The following ADCY2 variants were observed in gnomAD, a reference collection of about 807,000 sequenced individuals.
The protein encoded by ADCY2 is adenylate cyclase 2, also known as adenylate cyclase type 2.
ADCY2 carries 31 observed loss-of-function variants against 125.2 expected under a neutral mutation model. The ratio of observed to expected loss-of-function variants is 0.25; its 90% CI spans 0.19 to 0.33. The LOEUF (loss-of-function observed/expected upper bound fraction) is 0.33, where lower values mean the gene tolerates loss of function less well. Ranked by LOEUF, ADCY2 falls within the 10% of genes least tolerant of loss-of-function variation. ADCY2 has a pLI of 1.00. For synonymous variants in ADCY2, 512 were observed against 548.4 expected (o/e 0.93, Z 0.93); for missense variants, 904 against 1,418.2 (o/e 0.64, Z 5.82).
chr5:7,747,187 C>T (rs1337868202), intron 15 of ADCY2, among the ~76,000 whole-genome samples: 2 of 152,204 alleles, frequency 1.3e-5, no homozygotes, highest in Non-Finnish European at 2.9e-5. Context: ...TTGCCCAGGT[C>T]TCAGTTCTTG....
chr5:7,436,213 A>G (rs1274788332), intron 2 of ADCY2, among the ~76,000 whole-genome samples: 1 of 152,222 alleles, frequency 6.6e-6, no homozygotes, highest in African/African-American at 2.4e-5. Flanking sequence ...GCATAGGAAC[A>G]TAACCCTGTA....
chr5:7,724,239 C>T (rs973368967), intron 12 of ADCY2, among the ~76,000 whole-genome samples: 4 of 151,096 alleles, frequency 2.6e-5, no homozygotes, highest in South Asian at 2.1e-4. Context: ...CTCCTTTAGA[C>T]GACTTATCTC....
At chr5:7,814,463 G>T (rs914453723) in intron 22 of ADCY2, among the ~76,000 whole-genome samples, 11 of 151,620 alleles carry the variant, frequency 7.3e-5, no homozygotes, top group African/African-American at 2.4e-4. Flanking sequence ...ACGCTGTGAT[G>T]TGCAGGACAG....
intron 15 of ADCY2, chr5:7,746,419 AT>A (rs1742628946): frequency 6.6e-6 from 1 of 152,184 alleles, no homozygotes; most frequent in Non-Finnish European, 1.5e-5. Context: ...TGTTTAAATC[AT>A]TCTTTAAGGA....
chr5:7,704,706 C>T (rs114196230), intron 7 of ADCY2, among the ~76,000 whole-genome samples: 282 of 152,110 alleles, frequency 1.9e-3, no homozygotes, highest in African/African-American at 6.1e-3. Flanking sequence ...GCTGAAACCC[C>T]GTCTCTACCA....
At position 7,777,900 on chromosome 5, in the gene ADCY2, G is replaced by A. The variant is rs146564948; in HGVS notation, c.2384+4799G>A. Among the ~76,000 whole-genome samples, 335 of 152,292 alleles carry A rather than the reference G, an allele frequency of 2.2e-3. 2 individuals carry two copies. Among genetic ancestry groups the A allele is most frequent in the African/African-American group, 7.4e-3 (309 of 41,578 alleles). On this transcript the variant is annotated intron_variant, in intron 18 of 24. Coordinates refer to ENST00000338316, the MANE Select transcript of ADCY2 (RefSeq NM_020546.3). ...AGAGTGTGCCATTGAAAATCCATTA[G>A]GAAGGAGGTCAGGAGTGTCCCAGTA...
At chr5:7,784,726 G>T (rs1404534070) in intron 19 of ADCY2, among the ~76,000 whole-genome samples, 1 of 150,108 alleles carries the variant, frequency 6.7e-6, no homozygotes, top group African/African-American at 2.5e-5. Flanking sequence ...AAATTTTGTA[G>T]TTTTTGTAAG....
At chr5:7,401,768 T>C (rs1399851529) in intron 1 of ADCY2, among the ~76,000 whole-genome samples, 2 of 152,192 alleles carry the variant, frequency 1.3e-5, no homozygotes, top group African/African-American at 4.8e-5. Flanking sequence ...TAAAACCGAA[T>C]ATTCTACTAA....
At chr5:7,432,590 G>A (rs183949255) in intron 2 of ADCY2, among the ~76,000 whole-genome samples, 33 of 152,342 alleles carry the variant, frequency 2.2e-4, no homozygotes, top group Admixed American at 2.0e-3. Flanking sequence ...CAGCTGGCAC[G>A]GAAGTAGCTG....
At chr5:7,400,677 C>T (rs1049203023) in intron 1 of ADCY2, among the ~76,000 whole-genome samples, 2 of 152,162 alleles carry the variant, frequency 1.3e-5, no homozygotes, top group Non-Finnish European at 2.9e-5. Flanking sequence ...TCTAGTTTCC[C>T]TTGTGGAAGG....
chr5:7,430,736 T>C (rs1740567664), intron 2 of ADCY2, among the ~76,000 whole-genome samples: 1 of 152,000 alleles, frequency 6.6e-6, no homozygotes, highest in African/African-American at 2.4e-5. Flanking sequence ...GCTTTTGTAG[T>C]CTTACATATT....
chr5:7,527,980 G>A lies in ADCY2; in HGVS notation c.570+7081G>A, dbSNP rs564366571. Reference sequence around the variant, plus strand: ...ACTGTTTGTCTTCAGGGAACATAGGGTATTAATTTTTTTCCACAGGAAAAG... The same window carrying A: ...ACTGTTTGTCTTCAGGGAACATAGGATATTAATTTTTTTCCACAGGAAAAG... On this transcript the variant is annotated intron_variant, in intron 3 of 24. Transcript: ENST00000338316. Among the ~76,000 whole-genome samples the A allele has an allele frequency of 1.3e-5, 2 of 152,194 alleles. 1 individual carries two copies. Among genetic ancestry groups the A allele is most frequent in the South Asian group, 4.2e-4 (2 of 4,816 alleles).
At chr5:7,438,354 C>T (rs999022393) in intron 2 of ADCY2, among the ~76,000 whole-genome samples, 1 of 152,228 alleles carries the variant, frequency 6.6e-6, no homozygotes, top group African/African-American at 2.4e-5. Flanking sequence ...AGCTTACACT[C>T]TACCAGGAGA....
chr5:7,663,741 G>A (rs1392072230), intron 4 of ADCY2, among the ~76,000 whole-genome samples: 4 of 152,124 alleles, frequency 2.6e-5, no homozygotes, highest in East Asian at 3.9e-4. Flanking sequence ...TGGTCAGGCC[G>A]ATAGGCTTGG....
intron 2 of ADCY2, among the ~76,000 whole-genome samples, chr5:7,418,647 GTTTTTT>G (rs869287430): frequency 1.4e-4 from 10 of 73,764 alleles, no homozygotes; most frequent in African/African-American, 1.9e-4. Context: ...TCTACCTTCT[GTTTTTT>G]TTTTTTTTTT....
chr5:7,407,545 A>G (rs1233398070), intron 1 of ADCY2, among the ~76,000 whole-genome samples: 1 of 152,192 alleles, frequency 6.6e-6, no homozygotes, highest in Non-Finnish European at 1.5e-5. Flanking sequence ...GTGGGGACAC[A>G]CAGCCAAACC....
At chr5:7,548,012 A>C (rs912915119) in intron 3 of ADCY2, among the ~76,000 whole-genome samples, 3 of 152,194 alleles carry the variant, frequency 2.0e-5, no homozygotes, top group Non-Finnish European at 2.9e-5. Context: ...TGGGAACCCC[A>C]TATTCTCCCT....
At chr5:7,574,554 C>T (rs1200911799) in intron 3 of ADCY2, among the ~76,000 whole-genome samples, 2 of 152,154 alleles carry the variant, frequency 1.3e-5, no homozygotes, top group Admixed American at 1.3e-4. Flanking sequence ...CTAACAGATG[C>T]AAATATCTTC....
chr5:7,766,903 T>A, intron 17 of ADCY2, 97 bp downstream of exon 17: 1 of 1,399,434 alleles, frequency 7.1e-7, no homozygotes, highest in Non-Finnish European at 9.4e-7. Context: ...TTCTAGACTT[T>A]GCATTTCCTC....
Sources: allele counts gnomAD v4.1 joint callset (sites outside exome capture counted in the v4.1 genomes callset), GRCh38; gene constraint gnomAD v4.1.1; transcripts MANE v1.5; gene names NCBI Gene and HGNC (gene_info 2026-07-23, HGNC 2026-07-21).